DCP1B: variants seen among roughly 807,000 people sequenced by gnomAD.
DCP1B encodes the protein decapping mRNA 1B.
Under a neutral mutation model 60.5 loss-of-function variants are expected in DCP1B, and 47 were observed. That is an observed-to-expected ratio of 0.78 (90% confidence interval 0.61 to 0.99). The LOEUF (loss-of-function observed/expected upper bound fraction) is 0.99, where lower values mean the gene tolerates loss of function less well. DCP1B is among the 50% of genes least tolerant of loss of function. The pLI, the probability that DCP1B is intolerant of heterozygous loss-of-function variation, is 0.00. For missense variants in DCP1B, 725 were observed against 756.8 expected, an observed-to-expected ratio of 0.96 and a Z score of 0.49; for synonymous variants, 267 against 280.3, an observed-to-expected ratio of 0.95 and a Z score of 0.47.
At chr12:1,983,993 C>A (rs925579928) in intron 3 of DCP1B, among the ~76,000 whole-genome samples, 1 of 151,752 alleles carries the variant, frequency 6.6e-6, no homozygotes, top group Admixed American at 6.6e-5. Context: ...GTTTTTTATC[C>A]CTGGTAATTT....
intron 4 of DCP1B, among the ~76,000 whole-genome samples, chr12:1,967,450 G>A (rs2031331753): frequency 6.6e-6 from 1 of 152,214 alleles, no homozygotes; most frequent in African/African-American, 2.4e-5. Context: ...GGGGATGAAG[G>A]AAATGAAAGA....
chr12:1,950,340 G>A (rs2030618394), intron 7 of DCP1B: 2 of 702,298 alleles, frequency 2.8e-6, no homozygotes, highest in East Asian at 5.4e-5. Context: ...CTGCTGAAAT[G>A]CTTGCCTTTC....
intron 3 of DCP1B, chr12:1,991,764 A>G (rs980782517): frequency 2.6e-5 from 4 of 156,170 alleles, no homozygotes; most frequent in African/African-American, 7.2e-5. Context: ...TTATTTTTTA[A>G]ATTGATGCAT....
rs1401092613 is a variant in DCP1B, at chr12:2,004,298, T to C, written c.134A>G (p.His45Arg). Residue 45 changes from histidine to arginine, a missense_variant, in exon 1 of 9, where the codon CAT becomes CGT. Transcript: ENST00000280665. ...ASQVALYTFG[H>R]RANEWEKTDV... ...CGCACGCACCCACTCGTTGGCCCGA[T>C]GGCCGAAGGTGTACAGAGCCACCTG... 1.2e-6 allele frequency: 2 copies of C among 1,613,238 alleles called. No homozygotes were observed. Among genetic ancestry groups the C allele is most frequent in the Middle Eastern group, 3.3e-4 (2 of 6,062 alleles).
At chr12:1,996,616 TAAAAAAAA>T (rs78563698) in intron 2 of DCP1B, among the ~76,000 whole-genome samples, 2 of 18,830 alleles carry the variant, frequency 1.1e-4, no homozygotes, top group Admixed American at 8.1e-4. Flanking sequence ...GCTGATGAGC[TAAAAAAAA>T]AAAAAAAAAA....
At chr12:1,955,063 C>A (rs1441958992) in intron 6 of DCP1B, among the ~76,000 whole-genome samples, 15 of 152,158 alleles carry the variant, frequency 9.9e-5, no homozygotes, top group Admixed American at 7.9e-4. Flanking sequence ...CACTGTGTTG[C>A]CCAGGCTGCT....
Position 1,967,901 on chromosome 12 carries a change from T to C in DCP1B, c.329A>G (p.Tyr110Cys), listed in dbSNP as rs778935605. 5.0e-6 allele frequency: 8 copies of C among 1,612,738 alleles called. No individual in the cohort carries two copies. The African/African-American group carries it at 6.7e-5, about 13-fold the overall frequency. Residue 110 changes from tyrosine to cysteine, a missense_variant, in exon 4 of 9, where the codon TAT (tyrosine) becomes TGT (cysteine). Coordinates refer to ENST00000280665, the MANE Select transcript of DCP1B (RefSeq NM_152640.5). ...TTCCTTATCATAAAACCAAATTCCA[T>C]AGATGGACACTGCAAAAAACACACA... The part of the protein sequence containing the change: ...LLYRNARLSI[Y>C]GIWFYDKEEC...
intron 5 of DCP1B, among the ~76,000 whole-genome samples, chr12:1,963,306 A>C (rs1220852615): frequency 6.6e-6 from 1 of 152,144 alleles, no homozygotes; most frequent in South Asian, 2.1e-4. Context: ...GAGTGTCTTT[A>C]AGTTCTATTA....
At chr12:1,975,708 T>G (rs893859403) in intron 3 of DCP1B, among the ~76,000 whole-genome samples, 1 of 152,188 alleles carries the variant, frequency 6.6e-6, no homozygotes, top group African/African-American at 2.4e-5. Context: ...AGAACCTTAA[T>G]AGTCTTTATG....
chr12:2,002,033 G>C (rs900621462), intron 1 of DCP1B, among the ~76,000 whole-genome samples: 2 of 152,214 alleles, frequency 1.3e-5, no homozygotes, highest in African/African-American at 4.8e-5. Flanking sequence ...CCTGGCAACA[G>C]GGAGTAGGTC....
chr12:1,969,447 G>A (rs572222277), intron 3 of DCP1B, among the ~76,000 whole-genome samples: 14 of 152,190 alleles, frequency 9.2e-5, no homozygotes, highest in African/African-American at 2.9e-4. Context: ...CGTGAAGTGG[G>A]GGGGAAGTAG....
chr12:1,958,715 A>G (rs574815292), intron 5 of DCP1B, among the ~76,000 whole-genome samples: 99 of 141,906 alleles, frequency 7.0e-4, no homozygotes, highest in African/African-American at 2.2e-3. Context: ...AAGCTCCCCA[A>G]CGTCGCTCTG....
chr12:1,985,561 A>G (rs2037455037), intron 3 of DCP1B, among the ~76,000 whole-genome samples: 1 of 152,182 alleles, frequency 6.6e-6, no homozygotes, highest in Non-Finnish European at 1.5e-5. Context: ...TCACTATCTT[A>G]TAATTCTAAC....
chr12:1,968,900 G>A (rs531655474), intron 3 of DCP1B, among the ~76,000 whole-genome samples: 1 of 152,238 alleles, frequency 6.6e-6, no homozygotes, highest in South Asian at 2.1e-4. Context: ...GTTCAAATAA[G>A]TTGTATACTT....
chr12:1,999,568 T>A (rs971046554), intron 1 of DCP1B, among the ~76,000 whole-genome samples: 2 of 151,662 alleles, frequency 1.3e-5, no homozygotes, highest in African/African-American at 4.8e-5. Flanking sequence ...AAAACAAAAA[T>A]TTTTTTAATT....
intron 3 of DCP1B, among the ~76,000 whole-genome samples, chr12:1,976,526 C>T (rs2034413846): frequency 6.6e-6 from 1 of 152,144 alleles, no homozygotes; most frequent in Admixed American, 6.5e-5. Context: ...GGCTCCCATT[C>T]CTCACTGCTC....
chr12:1,993,379 T>G lies in DCP1B; in HGVS notation c.204A>C (p.Pro68=). The change falls in exon 3 of 9, where the codon CCA becomes CCC. Residue 68 remains proline, a synonymous_variant. Coordinates refer to ENST00000280665, the MANE Select transcript of DCP1B (RefSeq NM_152640.5). The part of the protein sequence containing the change: ...TLFVYTRSAS[P]KHGFTIMNRL... ...TATTCATAATGGTGAATCCATGCTT[T>G]GGAGAAGCAGACCTAAAAATCACAA... 1 of 1,610,994 alleles carries G rather than the reference T, an allele frequency of 6.2e-7. No homozygotes were observed. The highest frequency in any genetic ancestry group is 8.5e-7 in the Non-Finnish European group (1 of 1,177,846).
intron 2 of DCP1B, among the ~76,000 whole-genome samples, chr12:1,996,616 TAAAAAAAAAAAAAAA>T (rs78563698): frequency 2.1e-4 from 4 of 18,842 alleles, no homozygotes; most frequent in Non-Finnish European, 3.8e-4. Flanking sequence ...GCTGATGAGC[TAAAAAAAAAAAAAAA>T]AAAAAAAAAA....
chr12:1,953,891 G>A (rs561789116), intron 6 of DCP1B, among the ~76,000 whole-genome samples: 2 of 152,346 alleles, frequency 1.3e-5, no homozygotes, highest in East Asian at 3.9e-4. Flanking sequence ...GTTGCACTGA[G>A]AAAACATGAG....
Sources: allele counts gnomAD v4.1 joint callset (sites outside exome capture counted in the v4.1 genomes callset), GRCh38; gene constraint gnomAD v4.1.1; transcripts MANE v1.5; gene names NCBI Gene and HGNC (gene_info 2026-07-23, HGNC 2026-07-21).